SLC38A3: variants seen among roughly 807,000 people sequenced by gnomAD.
SLC38A3 encodes the protein solute carrier family 38 member 3.
In SLC38A3, 17 loss-of-function variants were observed where a neutral mutation model predicts 59.5. The ratio of observed to expected loss-of-function variants is 0.29; its 90% confidence interval spans 0.20 to 0.43. SLC38A3 has a LOEUF of 0.43. Among genes scored for constraint, SLC38A3 ranks in the 20% least tolerant of loss-of-function variants. The probability of loss-of-function intolerance (pLI) is 1.00; values close to 1 mark genes in which losing one functional copy is unlikely to be tolerated. For missense variants in SLC38A3, 454 were observed against 653.9 expected (o/e 0.69, Z 3.33); for synonymous variants, 238 against 260.3 (o/e 0.91, Z 0.82).
chr3:50,218,508 C>T lies in SLC38A3; in HGVS notation c.1037-85C>T. On this transcript the variant is annotated intron_variant, in intron 12 of 15. Transcript: ENST00000614032. The surrounding 1 kb of genome is among the most constrained non-coding windows in gnomAD (Gnocchi z 5.8). ...GTGGAGGTGAGTCTGCATGCCAATC[C>T]CCACAGTGTTGGGGTCCCCTAGGCA... 10 of 1,586,256 alleles carry T rather than the reference C, an allele frequency of 6.3e-6. No homozygotes were observed. The highest frequency in any genetic ancestry group is 8.6e-6 in the Non-Finnish European group (10 of 1,163,840).
chr3:50,214,045 C>T lies in SLC38A3; in HGVS notation c.-51-104C>T, dbSNP rs559999937. The T allele has an allele frequency of 3.2e-5, 21 of 657,712 alleles. No homozygotes were observed. Among genetic ancestry groups the T allele is most frequent in the Non-Finnish European group, 3.7e-5 (14 of 373,534 alleles). 40.7% of individuals were successfully genotyped at this position (657,712 alleles called of 1,614,324 possible). A position where few individuals can be genotyped will look rare whatever the true frequency, so the allele number is the denominator to read the frequency against. On this transcript the variant is annotated intron_variant, in intron 1 of 15. Transcript: ENST00000614032. The surrounding 1 kb of genome is among the most constrained non-coding windows in gnomAD (Gnocchi z 6.0). ...CAGAGCTGCATGTGTGGATATGCCC[C>T]GAGTGACCATCTGGGAGGTGTGCTA...
chr3:50,214,537 T>G lies in SLC38A3; in HGVS notation c.183+54T>G, dbSNP rs1359263946. 2 of 1,502,662 alleles carry G rather than the reference T, an allele frequency of 1.3e-6. No individual in the cohort carries two copies. The highest frequency in any genetic ancestry group is 2.8e-5 in the African/African-American group (2 of 72,058). 93.1% of individuals were successfully genotyped at this position (1,502,662 alleles called of 1,614,324 possible). The stretch of plus-strand genomic sequence containing the variant: ...GACACTGTGGGGAGCTTGGATGCAG[T>G]AATGAGGTGGTCTCTGGCAGCAGTG... On this transcript the variant is annotated intron_variant, in intron 3 of 15. Coordinates refer to ENST00000614032, the MANE Select transcript of SLC38A3 (RefSeq NM_006841.6). The surrounding 1 kb of genome is among the most constrained non-coding windows in gnomAD (Gnocchi z 6.0).
intron 1 of SLC38A3, among the ~76,000 whole-genome samples, chr3:50,211,982 T>C (rs1699738468): frequency 6.6e-6 from 1 of 152,104 alleles, no homozygotes; most frequent in African/African-American, 2.4e-5. Context: ...TCTGGGGGGA[T>C]TTGTCTCTTC....
Position 50,218,378 on chromosome 3 carries a change from G to T in SLC38A3, c.1036+8G>T. ...GCTACCTCACCTTCTACAGTACGGT[G>T]GCACCGGTGGGCAGAGGCCTAGGCT... On this transcript the variant is annotated splice_region_variant and intron_variant, in intron 12 of 15. Transcript: ENST00000614032. The surrounding 1 kb of genome is among the most constrained non-coding windows in gnomAD (Gnocchi z 5.8). The T allele has an allele frequency of 6.3e-7, 1 of 1,589,400 alleles. No individual in the cohort carries two copies. Among genetic ancestry groups the T allele is most frequent in the Non-Finnish European group, 8.6e-7 (1 of 1,157,546 alleles).
At chr3:50,212,854 G>T (rs1033835839) in intron 1 of SLC38A3, among the ~76,000 whole-genome samples, 3 of 152,180 alleles carry the variant, frequency 2.0e-5, no homozygotes, top group African/African-American at 7.2e-5. Flanking sequence ...GGGATGGGGG[G>T]TTCAGGGCAG....
chr3:50,210,545 T>A (rs961280837), intron 1 of SLC38A3, among the ~76,000 whole-genome samples: 1 of 152,188 alleles, frequency 6.6e-6, no homozygotes, highest in Non-Finnish European at 1.5e-5. Flanking sequence ...CTCAGAGTCC[T>A]GGGGACTCCA....
intron 1 of SLC38A3, among the ~76,000 whole-genome samples, chr3:50,209,273 A>G (rs1299676481): frequency 6.6e-6 from 1 of 151,668 alleles, no homozygotes; most frequent in Non-Finnish European, 1.5e-5. Flanking sequence ...TGGCAGCCTG[A>G]GCAAGGAGGG....
At position 50,218,251 on chromosome 3, in the gene SLC38A3, C is replaced by T. The variant is rs759142173; in HGVS notation, c.936-19C>T. On this transcript the variant is annotated intron_variant, in intron 11 of 15. Transcript: ENST00000614032. This position sits in a 1 kb window ranked among gnomAD's most constrained non-coding sequence, Gnocchi z 5.8. ...TTACCCAGCTTGTCACCAACACCCA[C>T]CCCCCCACTTCCCCACAGCCCCTCC... The T allele has an allele frequency of 6.3e-6, 9 of 1,435,940 alleles. No individual in the cohort carries two copies. The highest frequency in any genetic ancestry group is 8.8e-6 in the Non-Finnish European group (9 of 1,017,776). 88.9% of individuals were successfully genotyped at this position (1,435,940 alleles called of 1,614,324 possible). A position where few individuals can be genotyped will look rare whatever the true frequency, so the allele number is the denominator to read the frequency against.
At position 50,217,851 on chromosome 3, in the gene SLC38A3, G is replaced by C; in HGVS notation, c.855+11G>C. Reference sequence around the variant, plus strand: ...ACGCTCAACTCACAGGTTCTGACAGGTCAGGGCAAGGCGGGGGCCCAATGA... The same window carrying C: ...ACGCTCAACTCACAGGTTCTGACAGCTCAGGGCAAGGCGGGGGCCCAATGA... On this transcript the variant is annotated intron_variant, in intron 10 of 15. Coordinates refer to ENST00000614032, the MANE Select transcript of SLC38A3 (RefSeq NM_006841.6). This position sits in a 1 kb window ranked among gnomAD's most constrained non-coding sequence, Gnocchi z 4.9. 2 of 1,614,048 alleles carry C rather than the reference G, an allele frequency of 1.2e-6. No homozygotes were observed. The highest frequency in any genetic ancestry group is 1.7e-6 in the Non-Finnish European group (2 of 1,179,898).
In SLC38A3 at chr3:50,220,568, T is replaced by TA. The variant is rs2109160636; in HGVS notation, c.*392dup. ...TGCAGCCATCCCCCGACCCTGCTGC[T>TA]AGGCCACGGTCTGCGCCCTGGGGCC... On this transcript the variant is annotated 3_prime_UTR_variant, in exon 16 of 16. Coordinates refer to ENST00000614032, the MANE Select transcript of SLC38A3 (RefSeq NM_006841.6). The TA allele has an allele frequency of 8.5e-6, 2 of 236,576 alleles. No individual in the cohort carries two copies. The highest frequency in any genetic ancestry group is 2.0e-4 in the East Asian group (2 of 10,056). The allele number at this position is 236,576 out of a possible 1,614,324, so 14.7% of individuals were successfully genotyped here. A position where few individuals can be genotyped will look rare whatever the true frequency, so the allele number is the denominator to read the frequency against.
Position 50,220,236 on chromosome 3 carries a change from C to G in SLC38A3, c.*59C>G. 7.5e-7 allele frequency: 1 copy of G among 1,337,534 alleles called. No homozygotes were observed. The highest frequency in any genetic ancestry group is 1.0e-6 in the Non-Finnish European group (1 of 957,124). The allele number at this position is 1,337,534 out of a possible 1,614,324, so 82.9% of individuals were successfully genotyped here. ...AGCAGCCCTGCCCAGACTCTTCAGC[C>G]CCTGCTCCCATCCAGTGGCCAGTCG... On this transcript the variant is annotated 3_prime_UTR_variant, in exon 16 of 16. Coordinates refer to ENST00000614032, the MANE Select transcript of SLC38A3 (RefSeq NM_006841.6).
In SLC38A3 at chr3:50,215,657, C is replaced by T; in HGVS notation, c.466+21C>T. 6.2e-7 allele frequency: 1 copy of T among 1,612,674 alleles called. No homozygotes were observed. Among genetic ancestry groups the T allele is most frequent in the Admixed American group, 1.7e-5 (1 of 59,980 alleles). On this transcript the variant is annotated intron_variant, in intron 6 of 15. Transcript: ENST00000614032. The surrounding 1 kb of genome is among the most constrained non-coding windows in gnomAD (Gnocchi z 7.1). Reference sequence around the variant, plus strand: ...CGGAGGTAAGAGCAGTGGGCAGGGGCAGGCAGTAGGGAGGTGGACAGCCCT... The same window carrying T: ...CGGAGGTAAGAGCAGTGGGCAGGGGTAGGCAGTAGGGAGGTGGACAGCCCT...
chr3:50,218,716 C>G lies in SLC38A3; in HGVS notation c.1160C>G (p.Pro387Arg). 2 of 1,605,832 alleles carry G rather than the reference C, an allele frequency of 1.2e-6. No individual in the cohort carries two copies. Among genetic ancestry groups the G allele is most frequent in the Non-Finnish European group, 1.7e-6 (2 of 1,173,006 alleles). ...CTCACAGTGCCCATCGTTCTGTTCC[C>G]GGTGAGCTGGTGGGCAGGTGGCTAG... ...VTLTVPIVLF[P>R]VRRAIQQMLF... Residue 387 changes from proline to arginine, a missense_variant and splice_region_variant, in exon 13 of 16, where the codon CCG (proline) becomes CGG (arginine). Physicochemically the swap from Pro to Arg is moderately radical, Grantham distance 103. This residue lies in a region of SLC38A3 where 390 missense variants were observed against 557.9 expected (regional missense o/e 0.70). Transcript: ENST00000614032. The surrounding 1 kb of genome is among the most constrained non-coding windows in gnomAD (Gnocchi z 5.8).
Position 50,218,978 on chromosome 3 carries a change from G to C in SLC38A3, c.1306+30G>C, listed in dbSNP as rs1312150858. On this transcript the variant is annotated intron_variant, in intron 14 of 15. Coordinates refer to ENST00000614032, the MANE Select transcript of SLC38A3 (RefSeq NM_006841.6). The surrounding 1 kb of genome is among the most constrained non-coding windows in gnomAD (Gnocchi z 5.8). Reference sequence around the variant, plus strand: ...GGGTCTGGCCCTGCTGTGGAAGCAGGGTATTGCCCCAGAGGATTTCAACTC... The same window carrying C: ...GGGTCTGGCCCTGCTGTGGAAGCAGCGTATTGCCCCAGAGGATTTCAACTC... 2 of 1,593,646 alleles carry C rather than the reference G, an allele frequency of 1.3e-6. No homozygotes were observed. Among genetic ancestry groups the C allele is most frequent in the Non-Finnish European group, 1.7e-6 (2 of 1,164,470 alleles).
Position 50,215,949 on chromosome 3 carries a change from A to G in SLC38A3, c.548+128A>G. 1.3e-6 allele frequency: 1 copy of G among 748,986 alleles called. No homozygotes were observed. Among genetic ancestry groups the G allele is most frequent in the Non-Finnish European group, 2.2e-6 (1 of 445,778 alleles). The allele number at this position is 748,986 out of a possible 1,614,324, so 46.4% of individuals were successfully genotyped here. ...TGGGAGAGACAAGACAAAGCAGACA[A>G]GAAGCTGGTGGAGTGGGGAGAGTTG... On this transcript the variant is annotated intron_variant, in intron 7 of 15. Transcript: ENST00000614032. The surrounding 1 kb of genome is among the most constrained non-coding windows in gnomAD (Gnocchi z 7.1).
chr3:50,214,102 G>T lies in SLC38A3; in HGVS notation c.-51-47G>T, dbSNP rs567353930. On this transcript the variant is annotated intron_variant, in intron 1 of 15. Transcript: ENST00000614032. This position sits in a 1 kb window ranked among gnomAD's most constrained non-coding sequence, Gnocchi z 6.0. ...CAGGCCTCAGGTAGGAGGCTAGGCC[G>T]TAGGCCCAAGTAACGGGGCTAACCA... The T allele has an allele frequency of 3.4e-6, 4 of 1,174,470 alleles. No individual in the cohort carries two copies. The highest frequency in any genetic ancestry group is 4.9e-6 in the Non-Finnish European group (4 of 812,526). 72.8% of individuals were successfully genotyped at this position (1,174,470 alleles called of 1,614,324 possible).
chr3:50,214,640 C>G lies in SLC38A3; in HGVS notation c.184-13C>G. On this transcript the variant is annotated splice_polypyrimidine_tract_variant and intron_variant, in intron 3 of 15. Transcript: ENST00000614032. This position sits in a 1 kb window ranked among gnomAD's most constrained non-coding sequence, Gnocchi z 6.0. Reference sequence around the variant, plus strand: ...CTCCTCCCACCCTCCCCGTCCCATTCTGGTGCCTGCAGTTCGAGGGGAAGA... The same window carrying G: ...CTCCTCCCACCCTCCCCGTCCCATTGTGGTGCCTGCAGTTCGAGGGGAAGA... The G allele has an allele frequency of 2.1e-6, 3 of 1,462,948 alleles. No homozygotes were observed. The highest frequency in any genetic ancestry group is 2.9e-6 in the Non-Finnish European group (3 of 1,047,576). The allele number at this position is 1,462,948 out of a possible 1,614,324, so 90.6% of individuals were successfully genotyped here. A position where few individuals can be genotyped will look rare whatever the true frequency, so the allele number is the denominator to read the frequency against.
chr3:50,214,061 A>T lies in SLC38A3; in HGVS notation c.-51-88A>T. 1.4e-6 allele frequency: 1 copy of T among 699,230 alleles called. No homozygotes were observed. Among genetic ancestry groups the T allele is most frequent in the Non-Finnish European group, 2.5e-6 (1 of 402,882 alleles). The allele number at this position is 699,230 out of a possible 1,614,324, so 43.3% of individuals were successfully genotyped here. ...GATATGCCCCGAGTGACCATCTGGG[A>T]GGTGTGCTATGGCTGCAGGCCTCAG... is the stretch of plus-strand genomic sequence containing the variant. On this transcript the variant is annotated intron_variant, in intron 1 of 15. Transcript: ENST00000614032. This position sits in a 1 kb window ranked among gnomAD's most constrained non-coding sequence, Gnocchi z 6.0.
intron 1 of SLC38A3, among the ~76,000 whole-genome samples, chr3:50,209,541 C>T (rs1312129552): frequency 2.0e-5 from 3 of 151,728 alleles, no homozygotes; most frequent in Middle Eastern, 3.4e-3. Context: ...CCCAGCTACT[C>T]GGGAAGCTGA....
Sources: allele counts gnomAD v4.1 joint callset (sites outside exome capture counted in the v4.1 genomes callset), GRCh38; gene constraint gnomAD v4.1.1; regional missense constraint gnomAD v4.1.1; non-coding constraint Gnocchi (gnomAD v3.1); transcripts MANE v1.5; gene names NCBI Gene and HGNC (gene_info 2026-07-23, HGNC 2026-07-21).